Variants in THAP6 observed in about 807,000 individuals in gnomAD.
The protein encoded by THAP6 is THAP domain-containing protein 6.
Under a neutral mutation model 20.0 loss-of-function variants are expected in THAP6, and 13 were observed. The observed-to-expected ratio is 0.65, with a 90% CI of 0.42 to 1.03. THAP6 has a LOEUF of 1.03. THAP6 is among the 50% of genes least tolerant of loss of function. The pLI is 0.00. For synonymous variants in THAP6, 93 were observed against 92.2 expected (o/e 1.01, Z -0.05); for missense variants, 262 against 261.6 (o/e 1.00, Z -0.01).
chr4:75,515,559 A>G lies in THAP6; in HGVS notation c.80+27A>G, dbSNP rs764519934. 5.6e-6 allele frequency: 9 copies of G among 1,607,432 alleles called. No homozygotes were observed. In the Admixed American group the frequency reaches 1.2e-4, roughly 21 times the overall value. The stretch of plus-strand genomic sequence containing the variant: ...TAAGATTTTGCTGTAGTTAAGCCAA[A>G]TACTTTGGCCATGTTATAAAAAGCA... On this transcript the variant is annotated intron_variant, in intron 2 of 4. Coordinates refer to ENST00000311638, the MANE Select transcript of THAP6 (RefSeq NM_144721.6).
At chr4:75,514,095 C>T, upstream of THAP6, 1 of 1,512,326 alleles carries the variant, frequency 6.6e-7, no homozygotes, top group Non-Finnish European at 8.9e-7. Context: ...TCCTGAAAAT[C>T]AGGTTAACCT....
intron 2 of THAP6, among the ~76,000 whole-genome samples, chr4:75,540,908 A>G (rs1427180411): frequency 6.6e-6 from 1 of 152,186 alleles, no homozygotes; most frequent in African/African-American, 2.4e-5. Flanking sequence ...ATGGGTCTTA[A>G]GAGTAGGGAA....
chr4:75,523,046 G>A (rs34402235), intron 4 of THAP6, among the ~76,000 whole-genome samples: 61,071 of 151,938 alleles, frequency 0.4, 12,489 homozygotes, highest in East Asian at 0.48. Flanking sequence ...CTCCATAGTG[G>A]TTGTACTAAT....
At chr4:75,519,442 A>G (rs1488067639) in intron 3 of THAP6, among the ~76,000 whole-genome samples, 1 of 151,300 alleles carries the variant, frequency 6.6e-6, no homozygotes, top group African/African-American at 2.4e-5. Context: ...CTCATCATCT[A>G]GCATTAGGTA....
In THAP6 at chr4:75,538,482, A is replaced by T. The variant is rs1726926821; in HGVS notation, c.166-3927A>T. ...ATAAATTCTACTTGTAGAGGGCCTG[A>T]TTCTCTGGCCAAAAGAAAAAATATT... On this transcript the variant is annotated intron_variant, in intron 2 of 4. Coordinates refer to the THAP6 transcript ENST00000502620. Among the ~76,000 whole-genome samples the T allele has an allele frequency of 1.3e-5, 2 of 151,982 alleles. 1 individual carries two copies. Among genetic ancestry groups the T allele is most frequent in the South Asian group, 4.1e-4 (2 of 4,820 alleles).
chr4:75,518,505 C>T (rs1356393298), intron 3 of THAP6, among the ~76,000 whole-genome samples: 2 of 152,134 alleles, frequency 1.3e-5, no homozygotes, highest in African/African-American at 4.8e-5. Flanking sequence ...CTTTACATGT[C>T]TATTAACTCA....
In THAP6 at chr4:75,514,617, G is replaced by T. The variant is rs533884442; in HGVS notation, c.-21+97G>T. The T allele has an allele frequency of 2.1e-5, 5 of 241,202 alleles. No individual in the cohort carries two copies. In the East Asian group the frequency reaches 3.3e-4, roughly 16 times the overall value. 14.9% of individuals were successfully genotyped at this position (241,202 alleles called of 1,614,324 possible). A position where few individuals can be genotyped will look rare whatever the true frequency, so the allele number is the denominator to read the frequency against. On this transcript the variant is annotated intron_variant, in intron 1 of 4. Transcript: ENST00000311638. ...AGGTTGGCGGCAGCGGCGCGGAGAC[G>T]CTGGTTGGCCCCAGAGGAAAGGACG...
intron 3 of THAP6, among the ~76,000 whole-genome samples, chr4:75,543,746 T>C (rs1441077207): frequency 6.6e-6 from 1 of 152,184 alleles, no homozygotes; most frequent in Admixed American, 6.5e-5. Context: ...GCCAAAATAA[T>C]GGCAGTGGAG....
At chr4:75,541,042 TCAAACTCACCAGGA>T (rs57624472) in intron 2 of THAP6, among the ~76,000 whole-genome samples, 4,521 of 152,266 alleles carry the variant, frequency 0.03, 228 homozygotes, top group African/African-American at 0.1. Flanking sequence ...ATCCAAAGGA[TCAAACTCACCAGGA>T]CACCATAAAG....
chr4:75,543,963 T>C (rs2148834760), intron 3 of THAP6, among the ~76,000 whole-genome samples: 1 of 152,314 alleles, frequency 6.6e-6, no homozygotes, highest in South Asian at 2.1e-4. Flanking sequence ...CTGACTCTTC[T>C]TAGCAGTGTC....
At chr4:75,546,864 A>G (rs1320449151) in intron 3 of THAP6, among the ~76,000 whole-genome samples, 1 of 152,208 alleles carries the variant, frequency 6.6e-6, no homozygotes, top group Non-Finnish European at 1.5e-5. Context: ...ACTGATTTCA[A>G]TATAAACCTC....
chr4:75,533,181 C>T (rs1726740229), downstream of THAP6, among the ~76,000 whole-genome samples: 1 of 152,204 alleles, frequency 6.6e-6, no homozygotes, highest in Non-Finnish European at 1.5e-5. Context: ...TTAGAAATTG[C>T]TTCCACCAGA....
chr4:75,539,908 G>T, intron 2 of THAP6: 1 of 1,536,070 alleles, frequency 6.5e-7, no homozygotes, highest in Non-Finnish European at 8.7e-7. Context: ...AAACCAAGAA[G>T]AGAGAAATGC....
intron 2 of THAP6, among the ~76,000 whole-genome samples, chr4:75,535,594 G>A (rs1350903793): frequency 6.6e-6 from 1 of 152,206 alleles, no homozygotes; most frequent in Non-Finnish European, 1.5e-5. Flanking sequence ...CAACTTCAGA[G>A]TAAAACTGCT....
chr4:75,535,633 T>C (rs181749011), intron 2 of THAP6, among the ~76,000 whole-genome samples: 1 of 152,368 alleles, frequency 6.6e-6, no homozygotes, highest in East Asian at 1.9e-4. Context: ...TATGAAAAGA[T>C]GCATTTCCCA....
chr4:75,547,163 C>A (rs1372185154), intron 3 of THAP6, among the ~76,000 whole-genome samples: 1 of 152,178 alleles, frequency 6.6e-6, no homozygotes, highest in African/African-American at 2.4e-5. Context: ...TTCTCCCTTC[C>A]CTCCTCCTCC....
upstream of THAP6, chr4:75,514,224 C>T: frequency 6.2e-7 from 1 of 1,613,266 alleles, no homozygotes; most frequent in Non-Finnish European, 8.5e-7. Flanking sequence ...TGTCATAGTG[C>T]TCGCAGCCCC....
chr4:75,530,838 T>C (rs1344371641), downstream of THAP6, among the ~76,000 whole-genome samples: 1 of 152,152 alleles, frequency 6.6e-6, no homozygotes, highest in Non-Finnish European at 1.5e-5. Context: ...GTTGGTTGAA[T>C]TGTCCTTAGT....
At chr4:75,543,503 C>CA (rs1727059206) in intron 3 of THAP6, among the ~76,000 whole-genome samples, 2 of 152,212 alleles carry the variant, frequency 1.3e-5, no homozygotes, top group African/African-American at 4.8e-5. Flanking sequence ...GCCTCCTTTC[C>CA]AGTCATTCAT....
Sources: gnomAD v4.1 joint callset for allele counts (sites outside exome capture counted in the v4.1 genomes callset) on GRCh38, gnomAD v4.1.1 for gene constraint, MANE v1.5 for transcripts, NCBI Gene and HGNC (gene_info 2026-07-23, HGNC 2026-07-21) for gene names.